Variants in B3GALT1 observed in about 807,000 individuals in gnomAD.
B3GALT1 encodes the protein beta-1,3-galactosyltransferase 1, also known as UDP-Gal:betaGlcNAc beta 1,3-galactosyltransferase, polypeptide 1.
A neutral mutation model predicts 23.2 loss-of-function variants in B3GALT1; 10 were observed. The observed-to-expected ratio is 0.43, with a 90% CI of 0.27 to 0.73. The LOEUF is 0.73. B3GALT1 is among the 30% of genes least tolerant of loss of function. The pLI is 0.21. For missense variants in B3GALT1, 299 were observed against 405.4 expected (o/e 0.74, Z 2.25); for synonymous variants, 156 against 141.5 (o/e 1.10, Z -0.73).
At chr2:167,678,937 A>C (rs192788989) in intron 3 of B3GALT1, among the ~76,000 whole-genome samples, 9 of 152,288 alleles carry the variant, frequency 5.9e-5, no homozygotes, top group Admixed American at 5.9e-4. Context: ...TAAAATGAGT[A>C]ATGTATGCAC....
At chr2:167,463,564 C>G (rs1699298928) in intron 1 of B3GALT1, among the ~76,000 whole-genome samples, 1 of 151,992 alleles carries the variant, frequency 6.6e-6, no homozygotes, top group South Asian at 2.1e-4. Context: ...AAATCTGGAC[C>G]CATAATCACT....
chr2:167,491,871 G>A (rs543139402), intron 2 of B3GALT1, among the ~76,000 whole-genome samples: 1 of 151,774 alleles, frequency 6.6e-6, no homozygotes, highest in Non-Finnish European at 1.5e-5. Context: ...AGTACACAGA[G>A]AGCTTCCACA....
chr2:167,475,963 G>T (rs556037293), intron 1 of B3GALT1, among the ~76,000 whole-genome samples: 1 of 152,210 alleles, frequency 6.6e-6, no homozygotes, highest in East Asian at 1.9e-4. Flanking sequence ...CATTCTTTCT[G>T]TGTGCATGTC....
chr2:167,458,654 G>C (rs553587040), intron 1 of B3GALT1, among the ~76,000 whole-genome samples: 81 of 152,244 alleles, frequency 5.3e-4, no homozygotes, highest in Middle Eastern at 3.4e-3. Flanking sequence ...ATGCTAATGC[G>C]TATGAAGTGG....
chr2:167,497,054 TAAAAA>T (rs71749338), intron 2 of B3GALT1, among the ~76,000 whole-genome samples: 2 of 150,998 alleles, frequency 1.3e-5, no homozygotes, highest in African/African-American at 4.9e-5. Flanking sequence ...TAAACTATAA[TAAAAA>T]AAAAGTACAT....
intron 3 of B3GALT1, among the ~76,000 whole-genome samples, chr2:167,728,607 G>A (rs1440116754): frequency 1.3e-5 from 2 of 152,184 alleles, no homozygotes; most frequent in Non-Finnish European, 2.9e-5. Flanking sequence ...CTTAGTAACT[G>A]TTGACTTGTT....
intron 3 of B3GALT1, among the ~76,000 whole-genome samples, chr2:167,763,886 C>G (rs1228938842): frequency 6.6e-6 from 1 of 152,076 alleles, no homozygotes; most frequent in Non-Finnish European, 1.5e-5. Flanking sequence ...ACAAAGGACC[C>G]TCATCCTGAT....
intron 3 of B3GALT1, among the ~76,000 whole-genome samples, chr2:167,747,137 G>T (rs1323371940): frequency 6.6e-6 from 1 of 152,090 alleles, no homozygotes; most frequent in Non-Finnish European, 1.5e-5. Context: ...GGGCTTATAT[G>T]TAAAATGACT....
chr2:167,835,702 G>A (rs1689449627), intron 4 of B3GALT1, among the ~76,000 whole-genome samples: 1 of 152,218 alleles, frequency 6.6e-6, no homozygotes, highest in Non-Finnish European at 1.5e-5. Context: ...GCATGCAGCT[G>A]GAGATCTGAG....
At chr2:167,564,823 A>G (rs1238356600) in intron 2 of B3GALT1, among the ~76,000 whole-genome samples, 1 of 152,248 alleles carries the variant, frequency 6.6e-6, no homozygotes, top group Non-Finnish European at 1.5e-5. Context: ...CTCTTGAAGG[A>G]GAACTACAGA....
At chr2:167,536,235 T>C (rs1683423974) in intron 2 of B3GALT1, among the ~76,000 whole-genome samples, 1 of 151,774 alleles carries the variant, frequency 6.6e-6, no homozygotes, top group African/African-American at 2.4e-5. Flanking sequence ...TTGCAGTCCA[T>C]GCCAGATACA....
chr2:167,838,354 G>C (rs1379733945), intron 4 of B3GALT1, among the ~76,000 whole-genome samples: 8 of 152,220 alleles, frequency 5.3e-5, no homozygotes, highest in South Asian at 2.1e-4. Flanking sequence ...TATCACCACC[G>C]ATCCCACAGA....
intron 3 of B3GALT1, among the ~76,000 whole-genome samples, chr2:167,679,574 G>T (rs1478254609): frequency 6.6e-6 from 1 of 152,240 alleles, no homozygotes; most frequent in African/African-American, 2.4e-5. Context: ...TCTTAATTCG[G>T]AACATTGTAG....
rs71963760 is a variant in B3GALT1 at position 167,825,283 on chromosome 2, CA to C, written c.-230+6506del. ...TGGGCGACAGAGCAAGACTCCGTCT[CA>C]AAAAAAAAAAAAAAACAGAAAAAAG... is the stretch of plus-strand genomic sequence containing the variant. On this transcript the variant is annotated intron_variant, in intron 4 of 4. Coordinates refer to ENST00000392690, the MANE Select transcript of B3GALT1 (RefSeq NM_020981.4). 1.3e-3 allele frequency among the ~76,000 whole-genome samples: 109 copies of C among 82,214 alleles called. 1 individual carries two copies. Among genetic ancestry groups the C allele is most frequent in the South Asian group, 9.2e-3 (23 of 2,512 alleles). The allele number at this position is 82,214 out of a possible 152,430, so 53.9% of individuals were successfully genotyped here.
chr2:167,302,579 A>C (rs1232799272), intron 1 of B3GALT1, among the ~76,000 whole-genome samples: 1 of 152,148 alleles, frequency 6.6e-6, no homozygotes, highest in Non-Finnish European at 1.5e-5. Flanking sequence ...ATCTTAATGT[A>C]ATTGAACTTA....
At chr2:167,607,880 A>G (rs1224560310) in intron 2 of B3GALT1, among the ~76,000 whole-genome samples, 2 of 152,164 alleles carry the variant, frequency 1.3e-5, no homozygotes, top group Non-Finnish European at 2.9e-5. Flanking sequence ...TATTAAACAT[A>G]CTTTAACACT....
chr2:167,501,352 C>A (rs952501197), intron 2 of B3GALT1, among the ~76,000 whole-genome samples: 1 of 151,648 alleles, frequency 6.6e-6, no homozygotes, highest in Non-Finnish European at 1.5e-5. Context: ...ATATTAATAT[C>A]ACTTTATAAT....
chr2:167,688,648 G>C (rs1371615488), intron 3 of B3GALT1, among the ~76,000 whole-genome samples: 1 of 151,918 alleles, frequency 6.6e-6, no homozygotes, highest in African/African-American at 2.4e-5. Flanking sequence ...AGAGTCTCAG[G>C]GACATGTGGG....
chr2:167,749,822 T>G (rs1687707286), intron 3 of B3GALT1, among the ~76,000 whole-genome samples: 1 of 152,218 alleles, frequency 6.6e-6, no homozygotes, highest in Non-Finnish European at 1.5e-5. Flanking sequence ...TCATTCTGAG[T>G]CTTTGATTAT....
Sources: allele counts gnomAD v4.1 joint callset (sites outside exome capture counted in the v4.1 genomes callset), GRCh38; gene constraint gnomAD v4.1.1; transcripts MANE v1.5; gene names NCBI Gene and HGNC (gene_info 2026-07-23, HGNC 2026-07-21).